CBX1: variants seen among roughly 807,000 people sequenced by gnomAD.
CBX1 encodes chromobox protein homolog 1.
CBX1 carries 10 observed loss-of-function variants against 25.1 expected under a neutral mutation model. The observed-to-expected ratio is 0.40, with a 90% CI of 0.25 to 0.68. CBX1 has a LOEUF of 0.68. Ranked by LOEUF, CBX1 falls within the 30% of genes least tolerant of loss-of-function variation. CBX1 has a pLI of 0.40. For synonymous variants in CBX1, 63 were observed against 79.4 expected (o/e 0.79, Z 1.10); for missense variants, 106 against 218.5 (o/e 0.49, Z 3.25).
At chr17:48,095,657 C>A (rs1190009349) in intron 1 of CBX1, 1 of 152,162 alleles carries the variant, frequency 6.6e-6, no homozygotes, top group Non-Finnish European at 1.5e-5. Context: ...GATCCATAAG[C>A]CCTAAAGAGA....
At chr17:48,089,343 C>T (rs950626582) in intron 1 of CBX1, among the ~76,000 whole-genome samples, 1 of 150,696 alleles carries the variant, frequency 6.6e-6, no homozygotes, top group Non-Finnish European at 1.5e-5. Context: ...CCTCGTGATC[C>T]GCCCATCTCG....
chr17:48,072,377 A>G (rs1481149650), intron 4 of CBX1, among the ~76,000 whole-genome samples: 3 of 152,154 alleles, frequency 2.0e-5, no homozygotes, highest in Non-Finnish European at 4.4e-5. Context: ...TTTTTGCATA[A>G]TCGTAATTAC....
At position 48,100,668 on chromosome 17, in the gene CBX1, G is replaced by A. The variant is rs2063403871; in HGVS notation, c.-38+600C>T. The A allele has an allele frequency of 3.2e-6, 3 of 945,788 alleles. No individual in the cohort carries two copies. The South Asian group carries it at 1.5e-4, about 46-fold the overall frequency. The allele number at this position is 945,788 out of a possible 1,614,324, so 58.6% of individuals were successfully genotyped here. On this transcript the variant is annotated intron_variant, in intron 1 of 4. Coordinates refer to ENST00000225603, the MANE Select transcript of CBX1 (RefSeq NM_001127228.2). The stretch of plus-strand genomic sequence containing the variant: ...TATCCTAACAGCTCCTCCCCTTCCA[G>A]AGTCAGGCCCAGCAAACGCCTGCCC...
At chr17:48,097,262 G>GA (rs1480771731) in intron 1 of CBX1, among the ~76,000 whole-genome samples, 74 of 136,290 alleles carry the variant, frequency 5.4e-4, no homozygotes, top group East Asian at 2.0e-3. Context: ...CTCAAAAAAA[G>GA]AAAAAAAAAC....
chr17:48,073,390 A>C (rs1256598204), intron 4 of CBX1, among the ~76,000 whole-genome samples: 1 of 152,146 alleles, frequency 6.6e-6, no homozygotes, highest in Non-Finnish European at 1.5e-5. Flanking sequence ...CAGCTGAACA[A>C]CACCCTCTGA....
chr17:48,084,602 T>C (rs1177064412), intron 1 of CBX1, among the ~76,000 whole-genome samples: 1 of 149,370 alleles, frequency 6.7e-6, no homozygotes, highest in Non-Finnish European at 1.5e-5. Flanking sequence ...GCGCCCTGCC[T>C]ACTCATTTAT....
rs1406729870 is a variant in CBX1 at position 48,070,697 on chromosome 17, T to C, written c.*738A>G. 2 of 152,658 alleles carry C rather than the reference T, an allele frequency of 1.3e-5. No individual in the cohort carries two copies. Among genetic ancestry groups the C allele is most frequent in the South Asian group, 2.1e-4 (1 of 4,828 alleles). The allele number at this position is 152,658 out of a possible 1,614,324, so 9.5% of individuals were successfully genotyped here. A position where few individuals can be genotyped will look rare whatever the true frequency, so the allele number is the denominator to read the frequency against. ...GACCTTCCCTCCTCGTCAATTTCCA[T>C]CTCCAAAATGGCAACTTTGGTAACT... On this transcript the variant is annotated 3_prime_UTR_variant, in exon 5 of 5. Coordinates refer to ENST00000225603, the MANE Select transcript of CBX1 (RefSeq NM_001127228.2).
chr17:48,094,677 T>G (rs1258543426), intron 1 of CBX1, among the ~76,000 whole-genome samples: 1 of 148,192 alleles, frequency 6.7e-6, no homozygotes, highest in Non-Finnish European at 1.5e-5. Context: ...TAGGATGCAG[T>G]GAGCTGAGAT....
intron 1 of CBX1, 35 bp from the exon 2 acceptor site, chr17:48,077,076 G>A: frequency 6.6e-7 from 1 of 1,517,622 alleles, no homozygotes; most frequent in Non-Finnish European, 8.9e-7. Flanking sequence ...GGGCATTAGG[G>A]AGCACTCTTA....
intron 1 of CBX1, among the ~76,000 whole-genome samples, chr17:48,087,362 T>A (rs1307028549): frequency 6.6e-6 from 1 of 150,442 alleles, no homozygotes; most frequent in Non-Finnish European, 1.5e-5. Context: ...GATCACGAGG[T>A]CAGGAGTTGA....
intron 1 of CBX1, among the ~76,000 whole-genome samples, chr17:48,097,273 G>A (rs2063380862): frequency 6.7e-6 from 1 of 148,600 alleles, no homozygotes; most frequent in East Asian, 2.0e-4. Context: ...AAAAAAAAAC[G>A]CCACCACATT....
At chr17:48,096,447 C>A in intron 1 of CBX1, 1 of 865,724 alleles carries the variant, frequency 1.2e-6, no homozygotes, top group Non-Finnish European at 1.4e-6. Context: ...GAAAGCTAGA[C>A]CAGAATTATG....
rs144619527 is a variant in CBX1, at chr17:48,089,497, C to T, written c.-38+11771G>A. Among the ~76,000 whole-genome samples, 14 of 10,348 alleles carry T rather than the reference C, an allele frequency of 1.4e-3. No individual in the cohort carries two copies. The East Asian group carries it at 0.037, about 28-fold the overall frequency. The allele number at this position is 10,348 out of a possible 152,430, so 6.8% of individuals were successfully genotyped here. On this transcript the variant is annotated intron_variant, in intron 1 of 4. Coordinates refer to ENST00000225603, the MANE Select transcript of CBX1 (RefSeq NM_001127228.2). ...GAGGATTGGCAAAAACCATATTCCT[C>T]AAGTGAAATTACACACATTACTGCA...
At chr17:48,075,135 A>C (rs2037662129) in intron 3 of CBX1, 35 bp from the exon 4 acceptor site, 1 of 1,299,766 alleles carries the variant, frequency 7.7e-7, no homozygotes, top group Admixed American at 1.7e-5. Flanking sequence ...AATTTTATCT[A>C]TATGGGACTA....
chr17:48,088,494 C>T (rs930046033), intron 1 of CBX1, among the ~76,000 whole-genome samples: 3 of 151,798 alleles, frequency 2.0e-5, no homozygotes, highest in African/African-American at 7.3e-5. Context: ...TGGCGCATGC[C>T]TGTAATCCCA....
At chr17:48,087,196 AAAAAAG>A (rs1480318494) in intron 1 of CBX1, among the ~76,000 whole-genome samples, 2,250 of 151,778 alleles carry the variant, frequency 0.015, 31 homozygotes, top group Non-Finnish European at 0.025. Context: ...CTCAAAAAAA[AAAAAAG>A]AAAAGAATTC....
intron 1 of CBX1, among the ~76,000 whole-genome samples, chr17:48,095,476 C>T (rs1287458090): frequency 6.6e-6 from 1 of 152,044 alleles, no homozygotes; most frequent in Non-Finnish European, 1.5e-5. Context: ...GTAATCCCAG[C>T]TACCTGGGAG....
chr17:48,086,915 C>A (rs914611461), intron 1 of CBX1, among the ~76,000 whole-genome samples: 3 of 151,994 alleles, frequency 2.0e-5, no homozygotes, highest in Admixed American at 1.3e-4. Flanking sequence ...AATGGCCGGG[C>A]GCGGTGGCTC....
At chr17:48,073,824 C>CAAAAAAAAAAAAAA (rs60857566) in intron 4 of CBX1, among the ~76,000 whole-genome samples, 876 of 82,440 alleles carry the variant, frequency 0.011, 85 homozygotes, top group African/African-American at 0.026. Context: ...GAGACTGTCT[C>CAAAAAAAAAAAAAA]AAAAAAAAAA....
Sources: gnomAD v4.1 joint callset for allele counts (sites outside exome capture counted in the v4.1 genomes callset) on GRCh38, gnomAD v4.1.1 for gene constraint, MANE v1.5 for transcripts, NCBI Gene and HGNC (gene_info 2026-07-23, HGNC 2026-07-21) for gene names.